Variants in LUZP2 observed in about 807,000 individuals in gnomAD.
LUZP2 encodes the protein leucine zipper protein 2.
LUZP2 carries 52 observed loss-of-function variants against 51.6 expected under a neutral mutation model. That is an observed-to-expected ratio of 1.01 (90% confidence interval 0.81 to 1.27). The LOEUF is 1.27. Among genes scored for constraint, LUZP2 ranks in the 50% most tolerant of loss-of-function variants. The pLI, the probability that LUZP2 is intolerant of heterozygous loss-of-function variation, is 0.00. For missense variants in LUZP2, 436 were observed against 395.4 expected (o/e 1.10, Z -0.87); for synonymous variants, 154 against 137.3 (o/e 1.12, Z -0.85).
intron 1 of LUZP2, among the ~76,000 whole-genome samples, chr11:24,681,148 A>AT (rs575462026): frequency 2.8e-4 from 42 of 151,740 alleles, no homozygotes; most frequent in African/African-American, 9.7e-4. Flanking sequence ...CGCCCAGCTA[A>AT]TTTTTTGTAT....
intron 9 of LUZP2, among the ~76,000 whole-genome samples, chr11:25,026,144 G>A (rs994944319): frequency 3.4e-5 from 5 of 147,900 alleles, no homozygotes; most frequent in Non-Finnish European, 6.0e-5. Flanking sequence ...GCCTGTCATG[G>A]GGTAGGGGGA....
At chr11:24,731,632 G>A (rs777715102) in intron 2 of LUZP2, among the ~76,000 whole-genome samples, 1 of 151,610 alleles carries the variant, frequency 6.6e-6, no homozygotes, top group East Asian at 1.9e-4. Flanking sequence ...TTTTGTGTGT[G>A]TCTTAATGTA....
rs573971952 is a variant in LUZP2 at position 24,651,595 on chromosome 11, A to C, written c.63-77574A>C. 3.9e-5 allele frequency among the ~76,000 whole-genome samples: 6 copies of C among 152,290 alleles called. No homozygotes were observed. The South Asian group carries it at 1.0e-3, about 26-fold the overall frequency. ...AAGCAGAAAATTAAAAATTTTAATTAGCTGGTAACCAAAGTCATATAGTAT... is the reference window on the plus strand; with the variant it reads ...AAGCAGAAAATTAAAAATTTTAATTCGCTGGTAACCAAAGTCATATAGTAT... On this transcript the variant is annotated intron_variant, in intron 1 of 11. Transcript: ENST00000336930.
intron 1 of LUZP2, among the ~76,000 whole-genome samples, chr11:24,621,475 T>C (rs1854491890): frequency 6.6e-6 from 1 of 152,190 alleles, no homozygotes; most frequent in Non-Finnish European, 1.5e-5. Flanking sequence ...GACTTGGTTC[T>C]TTCCATTGAA....
intron 5 of LUZP2, among the ~76,000 whole-genome samples, chr11:24,861,750 A>G (rs1851749493): frequency 6.6e-6 from 1 of 152,188 alleles, no homozygotes; most frequent in Non-Finnish European, 1.5e-5. Context: ...GTTTGCAGGT[A>G]ATTAACATTA....
intron 1 of LUZP2, among the ~76,000 whole-genome samples, chr11:24,706,902 TAAGTAAATCGATTA>T (rs1462940609): frequency 6.6e-6 from 1 of 151,520 alleles, no homozygotes; most frequent in African/African-American, 2.4e-5. Context: ...TTTCTGGAAA[TAAGTAAATCGATTA>T]AAGCACCATT....
chr11:24,992,385 C>A (rs1447983052), intron 9 of LUZP2, among the ~76,000 whole-genome samples: 6 of 151,964 alleles, frequency 3.9e-5, no homozygotes, highest in African/African-American at 1.2e-4. Flanking sequence ...ATGGGTGAAC[C>A]ATTTTACCAT....
chr11:24,800,751 C>A (rs1186636951), intron 5 of LUZP2, among the ~76,000 whole-genome samples: 1 of 151,710 alleles, frequency 6.6e-6, no homozygotes, highest in African/African-American at 2.4e-5. Context: ...TTACTATAAG[C>A]CCCAGGTTGA....
rs1564985462 is a variant in LUZP2, at chr11:24,550,789, C to T, written c.62+53484C>T. Among the ~76,000 whole-genome samples the T allele has an allele frequency of 3.3e-5, 5 of 152,078 alleles. No homozygotes were observed. In the South Asian group the frequency reaches 6.2e-4, roughly 19 times the overall value. On this transcript the variant is annotated intron_variant, in intron 1 of 11. Transcript: ENST00000336930. ...AACTCTCCACCAAAAATGCATAATA[C>T]TTGTCCAGGAACAGTGGCTTATACC...
rs543624421 is a variant in LUZP2, at chr11:24,997,328, G to A, written c.765+14035G>A. Among the ~76,000 whole-genome samples, 11 of 152,270 alleles carry A rather than the reference G, an allele frequency of 7.2e-5. No individual in the cohort carries two copies. In the South Asian group the frequency reaches 2.3e-3, roughly 32 times the overall value. Reference sequence around the variant, plus strand: ...TCGCCATTCTAACTGGTGTGAGATGGTATCCCATTGCGGTTTTGATTTGCA... The same window carrying A: ...TCGCCATTCTAACTGGTGTGAGATGATATCCCATTGCGGTTTTGATTTGCA... On this transcript the variant is annotated intron_variant, in intron 9 of 11. Coordinates refer to ENST00000336930, the MANE Select transcript of LUZP2 (RefSeq NM_001009909.4).
intron 7 of LUZP2, among the ~76,000 whole-genome samples, chr11:24,939,032 T>G (rs1473675078): frequency 1.3e-5 from 2 of 152,176 alleles, no homozygotes; most frequent in Non-Finnish European, 2.9e-5. Context: ...CCTAGCAATC[T>G]GATTAATCAG....
chr11:24,585,861 C>T (rs1053524339), intron 1 of LUZP2, among the ~76,000 whole-genome samples: 4 of 152,116 alleles, frequency 2.6e-5, no homozygotes, highest in Non-Finnish European at 4.4e-5. Flanking sequence ...AATGATGATT[C>T]TAACACTGCA....
At chr11:24,607,747 GTT>G in intron 1 of LUZP2, among the ~76,000 whole-genome samples, 1 of 151,088 alleles carries the variant, frequency 6.6e-6, no homozygotes, top group East Asian at 2.0e-4. Context: ...CGTTGATTCT[GTT>G]TTTTCAAATT....
chr11:24,624,681 G>C (rs1334921139), intron 1 of LUZP2, among the ~76,000 whole-genome samples: 3 of 152,032 alleles, frequency 2.0e-5, no homozygotes, highest in Non-Finnish European at 4.4e-5. Flanking sequence ...TGGACTTTTG[G>C]AATAGGAAAG....
intron 1 of LUZP2, among the ~76,000 whole-genome samples, chr11:24,556,323 A>G (rs914293714): frequency 2.0e-5 from 3 of 152,168 alleles, no homozygotes; most frequent in African/African-American, 7.2e-5. Flanking sequence ...CTATTTAACA[A>G]CTTAGTAAAA....
At chr11:24,887,472 G>T (rs1013588915) in intron 5 of LUZP2, among the ~76,000 whole-genome samples, 2 of 152,118 alleles carry the variant, frequency 1.3e-5, no homozygotes, top group African/African-American at 2.4e-5. Flanking sequence ...TTTTAAGTTT[G>T]TTGGCAATGA....
At chr11:24,872,370 G>A (rs941720555) in intron 5 of LUZP2, among the ~76,000 whole-genome samples, 1 of 152,062 alleles carries the variant, frequency 6.6e-6, no homozygotes, top group African/African-American at 2.4e-5. Flanking sequence ...CGCTGTATTT[G>A]CTTGCTCTAT....
chr11:24,682,362 G>T (rs193246565), intron 1 of LUZP2, among the ~76,000 whole-genome samples: 29 of 151,782 alleles, frequency 1.9e-4, no homozygotes, highest in African/African-American at 6.0e-4. Context: ...GGCTACGGTG[G>T]CAAGTGTCTG....
At chr11:25,013,898 T>C (rs919289215) in intron 9 of LUZP2, among the ~76,000 whole-genome samples, 1 of 151,878 alleles carries the variant, frequency 6.6e-6, no homozygotes, top group Non-Finnish European at 1.5e-5. Context: ...ATCCCTCCCC[T>C]GTCCCCCCAC....
Sources: allele counts gnomAD v4.1 joint callset (sites outside exome capture counted in the v4.1 genomes callset), GRCh38; gene constraint gnomAD v4.1.1; transcripts MANE v1.5; gene names NCBI Gene and HGNC (gene_info 2026-07-23, HGNC 2026-07-21).